The following SEPTIN9 variants were observed in gnomAD, a reference collection of about 807,000 sequenced individuals.
The protein encoded by SEPTIN9 is septin 9.
In SEPTIN9, 13 loss-of-function variants were observed where a neutral mutation model predicts 56.6. The ratio of observed to expected loss-of-function variants is 0.23; its 90% confidence interval spans 0.15 to 0.37. The LOEUF is 0.37. Among genes scored for constraint, SEPTIN9 ranks in the 10% least tolerant of loss-of-function variants. The pLI is 1.00. For missense variants in SEPTIN9, 650 were observed against 823.1 expected (o/e 0.79, Z 2.57); for synonymous variants, 332 against 334.1 (o/e 0.99, Z 0.07).
chr17:77,314,660 C>T (rs59677822), intron 2 of SEPTIN9, among the ~76,000 whole-genome samples: 24,386 of 152,120 alleles, frequency 0.16, 2,713 homozygotes, highest in East Asian at 0.45. Flanking sequence ...TCCACCTCCG[C>T]GCAGCACCCT....
At chr17:77,349,469 G>C (rs145323249) in intron 2 of SEPTIN9, among the ~76,000 whole-genome samples, 1 of 152,188 alleles carries the variant, frequency 6.6e-6, no homozygotes, top group South Asian at 2.1e-4. Flanking sequence ...TGAGTTGTCA[G>C]TTTTTTCTTT....
intron 2 of SEPTIN9, among the ~76,000 whole-genome samples, chr17:77,368,314 TG>T (rs1200831162): frequency 2.9e-4 from 42 of 145,128 alleles, no homozygotes; most frequent in African/African-American, 1.0e-3. Context: ...TTTTTGTTTT[TG>T]TTTTTTTTTT....
At chr17:77,444,913 T>G in intron 3 of SEPTIN9, 1 of 354,196 alleles carries the variant, frequency 2.8e-6, no homozygotes, top group Non-Finnish European at 5.8e-6. Context: ...TTTGAGGAGG[T>G]AGATAGGTCA....
chr17:77,482,489 A>G lies in SEPTIN9; in HGVS notation c.913+154A>G, dbSNP rs772629123. On this transcript the variant is annotated intron_variant, in intron 4 of 11. Transcript: ENST00000427177. ...GGATTGCCAGTGACATTGCGTGTGC[A>G]TGCATGCGCCTGGGAGGAGCCCACA... 1.1e-5 allele frequency: 9 copies of G among 803,570 alleles called. No homozygotes were observed. The South Asian group carries it at 1.3e-4, about 12-fold the overall frequency. 49.8% of individuals were successfully genotyped at this position (803,570 alleles called of 1,614,324 possible). A position where few individuals can be genotyped will look rare whatever the true frequency, so the allele number is the denominator to read the frequency against.
At chr17:77,309,083 C>G (rs1437772870) in intron 2 of SEPTIN9, among the ~76,000 whole-genome samples, 1 of 152,234 alleles carries the variant, frequency 6.6e-6, no homozygotes, top group East Asian at 1.9e-4. Context: ...ATCTGCCTCT[C>G]CATCTCCTTC....
intron 3 of SEPTIN9, among the ~76,000 whole-genome samples, chr17:77,461,315 A>C (rs2038463002): frequency 6.6e-6 from 1 of 152,160 alleles, no homozygotes. Flanking sequence ...CAAAAAAATA[A>C]AAATAAATAA....
In SEPTIN9 at chr17:77,319,970, G is replaced by A. The variant is rs1024219110; in HGVS notation, c.76+12773G>A. Reference sequence around the variant, plus strand: ...ACCAGACCGGGCGGCCGGGACTCTGGGACTCTCGCAGGCAGACCCGGTGGT... The same window carrying A: ...ACCAGACCGGGCGGCCGGGACTCTGAGACTCTCGCAGGCAGACCCGGTGGT... On this transcript the variant is annotated intron_variant, in intron 2 of 11. Coordinates refer to ENST00000427177, the MANE Select transcript of SEPTIN9 (RefSeq NM_001113491.2). This position sits in a 1 kb window ranked among gnomAD's most constrained non-coding sequence, Gnocchi z 5.3. 8.4e-7 allele frequency: 1 copy of A among 1,195,446 alleles called. No homozygotes were observed. The highest frequency in any genetic ancestry group is 1.5e-5 in the African/African-American group (1 of 64,592). 74.1% of individuals were successfully genotyped at this position (1,195,446 alleles called of 1,614,324 possible). A position where few individuals can be genotyped will look rare whatever the true frequency, so the allele number is the denominator to read the frequency against.
intron 2 of SEPTIN9, among the ~76,000 whole-genome samples, chr17:77,336,957 C>T (rs2033573442): frequency 1.4e-5 from 2 of 145,564 alleles, no homozygotes; most frequent in South Asian, 4.3e-4. Flanking sequence ...GTCTTTTATT[C>T]GTTTAATAGG....
At chr17:77,409,090 C>T (rs965915579) in intron 3 of SEPTIN9, among the ~76,000 whole-genome samples, 1 of 152,066 alleles carries the variant, frequency 6.6e-6, no homozygotes, top group South Asian at 2.1e-4. Flanking sequence ...GGATGCCTTA[C>T]TCGGAAGGTC....
At chr17:77,368,128 T>C (rs1441667111) in intron 2 of SEPTIN9, among the ~76,000 whole-genome samples, 1 of 152,228 alleles carries the variant, frequency 6.6e-6, no homozygotes, top group Non-Finnish European at 1.5e-5. Context: ...GAAATTGGAA[T>C]GACGGTTGCC....
At chr17:77,328,165 AGTG>A (rs2033218745) in intron 2 of SEPTIN9, among the ~76,000 whole-genome samples, 1 of 100,188 alleles carries the variant, frequency 1.0e-5, no homozygotes, top group African/African-American at 3.5e-5. Context: ...CCCCGTGCCC[AGTG>A]TGTCCCTGTA....
chr17:77,287,896 G>A (rs2031348979), intron 1 of SEPTIN9: 1 of 1,036,830 alleles, frequency 9.6e-7, no homozygotes. Flanking sequence ...AAGTCACTGG[G>A]CGGCCCTTAG....
Position 77,320,935 on chromosome 17 carries a change from G to A in SEPTIN9, c.76+13738G>A, listed in dbSNP as rs555576798. On this transcript the variant is annotated intron_variant, in intron 2 of 11. Transcript: ENST00000427177. ...CATTCACGCTGGCAGCCCCCTTGCC[G>A]CAGGCACAGACCCATCAGGGCGTGA... is the stretch of plus-strand genomic sequence containing the variant. 9.3e-4 allele frequency among the ~76,000 whole-genome samples: 142 copies of A among 152,338 alleles called. 1 individual carries two copies. The highest frequency in any genetic ancestry group is 3.1e-3 in the African/African-American group (128 of 41,570).
chr17:77,356,782 G>T (rs766472982), intron 2 of SEPTIN9, among the ~76,000 whole-genome samples: 1 of 140,766 alleles, frequency 7.1e-6, no homozygotes, highest in Non-Finnish European at 1.5e-5. Context: ...CCTGGAAAGG[G>T]TGGGCACCCT....
In SEPTIN9 at chr17:77,463,750, G is replaced by A. The variant is rs138340040; in HGVS notation, c.722-18394G>A. 5.1e-3 allele frequency among the ~76,000 whole-genome samples: 773 copies of A among 152,188 alleles called. 28 individuals carry two copies. In the South Asian group the frequency reaches 0.096, roughly 19 times the overall value. On this transcript the variant is annotated intron_variant, in intron 3 of 11. Coordinates refer to ENST00000427177, the MANE Select transcript of SEPTIN9 (RefSeq NM_001113491.2). ...CCCAGCTACTTGGGAGGCCGAGGCC[G>A]GAGAATTGCTTGAACCCGGGAGGCA...
At chr17:77,458,463 A>G (rs1055468378) in intron 3 of SEPTIN9, among the ~76,000 whole-genome samples, 2 of 152,360 alleles carry the variant, frequency 1.3e-5, no homozygotes, top group African/African-American at 4.8e-5. Context: ...ACTCGAGGGT[A>G]GAGTGACTGC....
chr17:77,468,195 G>T (rs2038833171), intron 3 of SEPTIN9, among the ~76,000 whole-genome samples: 1 of 152,170 alleles, frequency 6.6e-6, no homozygotes, highest in Non-Finnish European at 1.5e-5. Context: ...AACCCGGGAG[G>T]CAGAGCTTGC....
intron 3 of SEPTIN9, among the ~76,000 whole-genome samples, chr17:77,416,020 A>G (rs996663939): frequency 1.3e-5 from 2 of 152,264 alleles, no homozygotes; most frequent in East Asian, 1.9e-4. Context: ...GAAATGATGC[A>G]TAGTAATCTC....
rs1375828105 is a variant in SEPTIN9 at position 77,492,287 on chromosome 17, T to C, written c.1381-334T>C. Among the ~76,000 whole-genome samples the C allele has an allele frequency of 1.3e-5, 2 of 151,880 alleles. No individual in the cohort carries two copies. Among genetic ancestry groups the C allele is most frequent in the Admixed American group, 6.5e-5 (1 of 15,268 alleles). Reference sequence around the variant, plus strand: ...AACTGGGGACTGTGACGAGGGTTTTTTAGGAAGGGTTTCAGGAGGGGAGGT... The same window carrying C: ...AACTGGGGACTGTGACGAGGGTTTTCTAGGAAGGGTTTCAGGAGGGGAGGT... On this transcript the variant is annotated intron_variant, in intron 8 of 11. Transcript: ENST00000427177. This position sits in a 1 kb window ranked among gnomAD's most constrained non-coding sequence, Gnocchi z 5.4.
Sources: allele counts gnomAD v4.1 joint callset (sites outside exome capture counted in the v4.1 genomes callset), GRCh38; gene constraint gnomAD v4.1.1; non-coding constraint Gnocchi (gnomAD v3.1); transcripts MANE v1.5; gene names NCBI Gene and HGNC (gene_info 2026-07-23, HGNC 2026-07-21).